The following C16orf89 variants were observed in gnomAD, a reference collection of about 807,000 sequenced individuals.
C16orf89 encodes the protein chromosome 16 open reading frame 89.
In C16orf89, 57 loss-of-function variants were observed where a neutral mutation model predicts 41.5. The observed-to-expected ratio is 1.38, with a 90% CI of 1.11 to 1.71. C16orf89 has a LOEUF of 1.71. Among genes scored for constraint, C16orf89 ranks in the 40% most tolerant of loss-of-function variants. The pLI is 0.00. For missense variants in C16orf89, 575 were observed against 445.9 expected, an observed-to-expected ratio of 1.29 and a Z score of -2.61; for synonymous variants, 223 against 190.6, an observed-to-expected ratio of 1.17 and a Z score of -1.40.
At chr16:5,062,070 T>C (rs1190394522) in intron 2 of C16orf89, among the ~76,000 whole-genome samples, 3 of 152,222 alleles carry the variant, frequency 2.0e-5, no homozygotes, top group Non-Finnish European at 4.4e-5. Context: ...CACTACTGTT[T>C]GCTGTGCAAA....
At chr16:5,063,111 A>G (rs1465418262) in intron 1 of C16orf89, among the ~76,000 whole-genome samples, 1 of 152,122 alleles carries the variant, frequency 6.6e-6, no homozygotes, top group Non-Finnish European at 1.5e-5. Context: ...GTGGGAGACA[A>G]TGGTGAAGAT....
intron 3 of C16orf89, among the ~76,000 whole-genome samples, chr16:5,059,482 A>G (rs1016837799): frequency 3.2e-4 from 48 of 152,104 alleles, no homozygotes; most frequent in African/African-American, 1.1e-3. Context: ...AAATAAAAAT[A>G]AATAAAAATT....
At chr16:5,047,032 C>T (rs141117483) in intron 7 of C16orf89, among the ~76,000 whole-genome samples, 1 of 152,170 alleles carries the variant, frequency 6.6e-6, no homozygotes, top group Non-Finnish European at 1.5e-5. Flanking sequence ...TTCCAAACTC[C>T]AGCACACAGA....
At chr16:5,059,977 G>A (rs1956582510) in intron 3 of C16orf89, among the ~76,000 whole-genome samples, 1 of 152,150 alleles carries the variant, frequency 6.6e-6, no homozygotes, top group South Asian at 2.1e-4. Context: ...CTGAAAAGAG[G>A]CCTCTAGGGG....
At chr16:5,054,188 G>T (rs1401609030) in intron 6 of C16orf89, among the ~76,000 whole-genome samples, 1 of 152,210 alleles carries the variant, frequency 6.6e-6, no homozygotes, top group African/African-American at 2.4e-5. Flanking sequence ...GGGAGCTGCC[G>T]TGTACCTGGC....
chr16:5,060,250 T>C (rs762791849), intron 3 of C16orf89, 36 bp downstream of exon 3: 1 of 1,575,126 alleles, frequency 6.3e-7, no homozygotes, highest in East Asian at 2.3e-5. Context: ...CTAGTGCGTT[T>C]GGGTTTCCAG....
chr16:5,063,282 C>T (rs1956665556), intron 1 of C16orf89, among the ~76,000 whole-genome samples: 1 of 152,158 alleles, frequency 6.6e-6, no homozygotes, highest in African/African-American at 2.4e-5. Flanking sequence ...AGGTAGTCCT[C>T]CAGGGCGACC....
intron 6 of C16orf89, among the ~76,000 whole-genome samples, chr16:5,048,588 G>A (rs115378372): frequency 2.0e-4 from 31 of 152,152 alleles, no homozygotes; most frequent in African/African-American, 6.3e-4. Context: ...AAAAACTGAG[G>A]GATTTCATTA....
chr16:5,058,885 CA>C (rs1312698337), intron 3 of C16orf89, among the ~76,000 whole-genome samples: 9 of 152,054 alleles, frequency 5.9e-5, no homozygotes, highest in Non-Finnish European at 1.2e-4. Context: ...ACATCTTTTC[CA>C]GCCCCGAACA....
At chr16:5,057,118 A>G (rs1956524076) in intron 4 of C16orf89, among the ~76,000 whole-genome samples, 1 of 151,782 alleles carries the variant, frequency 6.6e-6, no homozygotes, top group Non-Finnish European at 1.5e-5. Context: ...CGTGCCTGTA[A>G]TCCCAGCTAC....
At chr16:5,055,427 T>A in intron 5 of C16orf89, 77 bp from the exon 6 acceptor site, 1 of 1,317,436 alleles carries the variant, frequency 7.6e-7, no homozygotes, top group Non-Finnish European at 1.1e-6. Context: ...GCTGCCACGG[T>A]GCCACCTGCC....
At chr16:5,048,316 G>C (rs1458191103) in intron 6 of C16orf89, among the ~76,000 whole-genome samples, 1 of 152,180 alleles carries the variant, frequency 6.6e-6, no homozygotes, top group African/African-American at 2.4e-5. Flanking sequence ...TTATATGTGT[G>C]AGCCCCTGCA....
intron 7 of C16orf89, 87 bp downstream of exon 7, chr16:5,047,791 T>C: frequency 1.2e-6 from 1 of 806,100 alleles, no homozygotes; most frequent in Non-Finnish European, 2.1e-6. Context: ...AGTGCTTTTC[T>C]TCCATAGCAG....
At chr16:5,045,260 C>G (rs936832780) in intron 7 of C16orf89, among the ~76,000 whole-genome samples, 1 of 152,220 alleles carries the variant, frequency 6.6e-6, no homozygotes, top group Non-Finnish European at 1.5e-5. Flanking sequence ...CCGAGCTGAG[C>G]CCCTGGCCCT....
chr16:5,058,786 C>T (rs76289087), intron 3 of C16orf89, among the ~76,000 whole-genome samples, 176 bp from the exon 4 acceptor site: 5,891 of 152,158 alleles, frequency 0.039, 164 homozygotes, highest in Non-Finnish European at 0.06. Flanking sequence ...AATCTGGCTG[C>T]CCTAGCCCAG....
At chr16:5,058,316 A>G (rs1231171791) in intron 4 of C16orf89, among the ~76,000 whole-genome samples, 177 bp downstream of exon 4, 3 of 151,664 alleles carry the variant, frequency 2.0e-5, no homozygotes, top group African/African-American at 4.8e-5. Flanking sequence ...TATTTTTAGT[A>G]GAGAATGGGT....
At chr16:5,053,995 T>G (rs1956443474) in intron 6 of C16orf89, among the ~76,000 whole-genome samples, 1 of 152,230 alleles carries the variant, frequency 6.6e-6, no homozygotes, top group African/African-American at 2.4e-5. Flanking sequence ...ACATGTCTAT[T>G]GAGAATAATA....
Position 5,058,573 on chromosome 16 carries a change from A to C in C16orf89, c.547T>G (p.Cys183Gly), listed in dbSNP as rs1329249043. The change falls in exon 4 of 8, where the codon TGC becomes GGC. Residue 183 changes from cysteine to glycine, a missense_variant. Coordinates refer to ENST00000472572, the MANE Select transcript of C16orf89 (RefSeq NM_001098514.3). ...SSEPCGLSDL[C>G]RSLMTKPGCS... ...CCGGGCTTGGTCATGAGGCTCCTGC[A>C]GAGGTCTGAGAGGCCGCAGGGCTCG... 1.3e-5 allele frequency: 21 copies of C among 1,612,572 alleles called. No homozygotes were observed. Among genetic ancestry groups the C allele is most frequent in the Non-Finnish European group, 1.8e-5 (21 of 1,179,914 alleles).
At chr16:5,045,457 C>T (rs1303412584) in intron 7 of C16orf89, among the ~76,000 whole-genome samples, 4 of 152,210 alleles carry the variant, frequency 2.6e-5, no homozygotes, top group Non-Finnish European at 4.4e-5. Flanking sequence ...TCTAGTCTCA[C>T]AATCTGTCTG....
Sources: gnomAD v4.1 joint callset for allele counts (sites outside exome capture counted in the v4.1 genomes callset) on GRCh38, gnomAD v4.1.1 for gene constraint, MANE v1.5 for transcripts, NCBI Gene and HGNC (gene_info 2026-07-23, HGNC 2026-07-21) for gene names.